Variants in NIPAL2 observed in about 807,000 individuals in gnomAD.
NIPAL2 encodes the protein NIPA-like protein 2.
Under a neutral mutation model 48.9 loss-of-function variants are expected in NIPAL2, and 43 were observed. The observed-to-expected ratio is 0.88, with a 90% confidence interval of 0.69 to 1.13. The LOEUF (loss-of-function observed/expected upper bound fraction) is 1.13. Ranked by LOEUF, NIPAL2 falls within the 50% of genes most tolerant of loss-of-function variation. NIPAL2 has a pLI of 0.00. For missense variants in NIPAL2, 446 were observed against 461.4 expected, an observed-to-expected ratio of 0.97 and a Z score of 0.31; for synonymous variants, 167 against 174.6, an observed-to-expected ratio of 0.96 and a Z score of 0.34.
chr8:98,211,792 GAGAA>G (rs1007975696), intron 6 of NIPAL2, among the ~76,000 whole-genome samples: 11 of 151,078 alleles, frequency 7.3e-5, no homozygotes, highest in African/African-American at 2.7e-4. Context: ...GAGAGAGAGA[GAGAA>G]AGAAAGAGAC....
chr8:98,271,865 G>T (rs1289134681), intron 1 of NIPAL2, among the ~76,000 whole-genome samples: 1 of 151,532 alleles, frequency 6.6e-6, no homozygotes, highest in African/African-American at 2.4e-5. Context: ...ATGTTCCTTT[G>T]GTGCCTAGTT....
At chr8:98,228,598 A>T (rs191494815) in intron 4 of NIPAL2, among the ~76,000 whole-genome samples, 1 of 152,304 alleles carries the variant, frequency 6.6e-6, no homozygotes, top group Admixed American at 6.5e-5. Flanking sequence ...CAGTCTAAGG[A>T]ACTGAATACG....
chr8:98,221,335 C>G (rs902538137), intron 5 of NIPAL2, among the ~76,000 whole-genome samples: 1 of 150,634 alleles, frequency 6.6e-6, no homozygotes, highest in Non-Finnish European at 1.5e-5. Context: ...TCCTCTCAGA[C>G]AGTCTGTGGC....
At chr8:98,257,746 A>T (rs142964742) in intron 1 of NIPAL2, among the ~76,000 whole-genome samples, 247 of 152,250 alleles carry the variant, frequency 1.6e-3, no homozygotes, top group African/African-American at 5.5e-3. Flanking sequence ...TCATCTGCAT[A>T]ATAGAACCAT....
intron 1 of NIPAL2, among the ~76,000 whole-genome samples, chr8:98,256,293 G>T (rs1813887987): frequency 1.3e-5 from 2 of 152,280 alleles, no homozygotes; most frequent in South Asian, 4.1e-4. Context: ...AAAGTGCTGG[G>T]ATTACAGGCA....
At chr8:98,282,566 A>T (rs1436091020) in intron 1 of NIPAL2, among the ~76,000 whole-genome samples, 6 of 152,176 alleles carry the variant, frequency 3.9e-5, no homozygotes, top group Non-Finnish European at 8.8e-5. Flanking sequence ...CCGGCTACTC[A>T]GGAGACTGAG....
At chr8:98,247,971 G>A (rs1235255252) in intron 3 of NIPAL2, among the ~76,000 whole-genome samples, 1 of 152,182 alleles carries the variant, frequency 6.6e-6, no homozygotes, top group Non-Finnish European at 1.5e-5. Flanking sequence ...TGTAGTTAAT[G>A]AACAAGAGAA....
At chr8:98,258,179 G>C (rs1197161203) in intron 1 of NIPAL2, among the ~76,000 whole-genome samples, 1 of 152,192 alleles carries the variant, frequency 6.6e-6, no homozygotes, top group African/African-American at 2.4e-5. Flanking sequence ...AGGTATCTCA[G>C]ATAGTCAAAT....
intron 1 of NIPAL2, among the ~76,000 whole-genome samples, chr8:98,264,685 C>T (rs1480336648): frequency 4.6e-5 from 7 of 150,640 alleles, no homozygotes; most frequent in African/African-American, 7.3e-5. Flanking sequence ...GAATCAATAT[C>T]GTGAAAATGG....
At chr8:98,266,715 A>G (rs987847088) in intron 1 of NIPAL2, among the ~76,000 whole-genome samples, 4 of 152,128 alleles carry the variant, frequency 2.6e-5, no homozygotes, top group African/African-American at 7.2e-5. Context: ...GAAATTCACC[A>G]TTACACATGC....
intron 1 of NIPAL2, among the ~76,000 whole-genome samples, chr8:98,260,855 ACCTCT>A (rs1467765217): frequency 6.6e-6 from 1 of 151,844 alleles, no homozygotes; most frequent in East Asian, 1.9e-4. Flanking sequence ...GACAGCAGTA[ACCTCT>A]GCAGACTTAA....
At chr8:98,288,239 G>A (rs1037352059) in intron 1 of NIPAL2, among the ~76,000 whole-genome samples, 21 of 134,750 alleles carry the variant, frequency 1.6e-4, no homozygotes, top group African/African-American at 6.0e-4. Context: ...CCTTTCCTGT[G>A]TCCATGTGAT....
chr8:98,221,988 T>G (rs1283943110), intron 5 of NIPAL2, among the ~76,000 whole-genome samples: 3 of 152,208 alleles, frequency 2.0e-5, no homozygotes, highest in Non-Finnish European at 4.4e-5. Context: ...TGCACACATA[T>G]GTTTATTGTG....
In NIPAL2 at chr8:98,220,964, C is replaced by CTTTTTTTTTT. The variant is rs557824737; in HGVS notation, c.558+1505_558+1514dup. ...TATTTCTCTATCAGTTCATTTCATT[C>CTTTTTTTTTT]TTTTTTTTTTTTTTTTTTTTTTTTT... is the stretch of plus-strand genomic sequence containing the variant. On this transcript the variant is annotated intron_variant, in intron 5 of 10. Coordinates refer to ENST00000430223, the MANE Select transcript of NIPAL2 (RefSeq NM_001321635.2). Among the ~76,000 whole-genome samples the CTTTTTTTTTT allele has an allele frequency of 3.5e-4, 24 of 68,666 alleles. 1 individual carries two copies. The highest frequency in any genetic ancestry group is 2.1e-3 in the East Asian group (4 of 1,932). The allele number at this position is 68,666 out of a possible 152,430, so 45.0% of individuals were successfully genotyped here. A position where few individuals can be genotyped will look rare whatever the true frequency, so the allele number is the denominator to read the frequency against.
chr8:98,230,708 C>A (rs1812400649), intron 4 of NIPAL2, among the ~76,000 whole-genome samples: 1 of 152,098 alleles, frequency 6.6e-6, no homozygotes, highest in Non-Finnish European at 1.5e-5. Flanking sequence ...TACCTGTGCA[C>A]CAAAAATGTG....
intron 3 of NIPAL2, among the ~76,000 whole-genome samples, chr8:98,245,635 A>G (rs1813271313): frequency 6.6e-6 from 1 of 152,252 alleles, no homozygotes; most frequent in African/African-American, 2.4e-5. Flanking sequence ...CCAAAAAAGT[A>G]AAAATACTAC....
chr8:98,225,813 C>A (rs1355832607), intron 4 of NIPAL2, among the ~76,000 whole-genome samples: 2 of 152,216 alleles, frequency 1.3e-5, no homozygotes, highest in Middle Eastern at 3.4e-3. Flanking sequence ...AATCCTATCT[C>A]TCCCTCTACC....
intron 8 of NIPAL2, among the ~76,000 whole-genome samples, chr8:98,198,098 C>G (rs1459024453): frequency 6.6e-6 from 1 of 152,200 alleles, no homozygotes; most frequent in African/African-American, 2.4e-5. Flanking sequence ...GTCAAAATTA[C>G]TCATTGATCC....
intron 3 of NIPAL2, among the ~76,000 whole-genome samples, chr8:98,239,791 C>T (rs1365232443): frequency 6.6e-6 from 1 of 152,102 alleles, no homozygotes; most frequent in African/African-American, 2.4e-5. Flanking sequence ...ACTTTCAACT[C>T]ATTTATCTTG....
Sources: allele counts gnomAD v4.1 joint callset (sites outside exome capture counted in the v4.1 genomes callset), GRCh38; gene constraint gnomAD v4.1.1; transcripts MANE v1.5; gene names NCBI Gene and HGNC (gene_info 2026-07-23, HGNC 2026-07-21).